AOX1: variants seen among roughly 807,000 people sequenced by gnomAD.
AOX1 encodes aldehyde oxidase.
AOX1 carries 153 observed loss-of-function variants against 169.5 expected under a neutral mutation model. The ratio of observed to expected loss-of-function variants is 0.90; its 90% confidence interval spans 0.79 to 1.03. The LOEUF (loss-of-function observed/expected upper bound fraction) is 1.03. Ranked by LOEUF, AOX1 falls within the 50% of genes least tolerant of loss-of-function variation. The pLI, the probability that AOX1 is intolerant of heterozygous loss-of-function variation, is 0.00. For missense variants in AOX1, 1,656 were observed against 1,663.9 expected, an observed-to-expected ratio of 1.00 and a Z score of 0.08; for synonymous variants, 562 against 581.9, an observed-to-expected ratio of 0.97 and a Z score of 0.49.
At chr2:200,657,165 A>AATATATATATAT (rs1553578034) in intron 27 of AOX1, among the ~76,000 whole-genome samples, 4 of 88,366 alleles carry the variant, frequency 4.5e-5, no homozygotes, top group South Asian at 4.0e-4. Flanking sequence ...CTCTACCAAA[A>AATATATATATAT]ATATATATAT....
Position 200,659,989 on chromosome 2 carries a change from C to T in AOX1, c.3301-6C>T. 1 of 1,608,314 alleles carries T rather than the reference C, an allele frequency of 6.2e-7. No homozygotes were observed. The highest frequency in any genetic ancestry group is 8.5e-7 in the Non-Finnish European group (1 of 1,176,274). ...AGCATAATTTTAATTTAAAAATAAT[C>T]TCTAGGATGCCTGTCAAACTCTTCT... On this transcript the variant is annotated splice_region_variant and splice_polypyrimidine_tract_variant and intron_variant, in intron 28 of 34. Transcript: ENST00000374700.
At chr2:200,637,587 A>T (rs564833216) in intron 22 of AOX1, among the ~76,000 whole-genome samples, 1 of 152,172 alleles carries the variant, frequency 6.6e-6, no homozygotes, top group East Asian at 1.9e-4. Flanking sequence ...ACATACACAT[A>T]TATACATATA....
At chr2:200,659,134 G>C in intron 27 of AOX1, 31 bp from the exon 28 acceptor site, 1 of 1,609,754 alleles carries the variant, frequency 6.2e-7, no homozygotes, top group African/African-American at 1.3e-5. Context: ...TAATCAAAGT[G>C]TTTAAAAGGA....
intron 12 of AOX1, among the ~76,000 whole-genome samples, chr2:200,610,860 A>T (rs1005318733): frequency 6.6e-5 from 10 of 151,980 alleles, no homozygotes; most frequent in African/African-American, 2.4e-4. Context: ...TTTTATTTTT[A>T]AAAAAATTTT....
chr2:200,622,472 CT>C (rs1172045084), intron 18 of AOX1, among the ~76,000 whole-genome samples: 12 of 152,246 alleles, frequency 7.9e-5, no homozygotes. Flanking sequence ...GTCCCTTCCT[CT>C]GGCTCTCCTT....
At chr2:200,624,092 G>T (rs2034949365) in intron 19 of AOX1, 109 bp downstream of exon 19, 1 of 1,365,548 alleles carries the variant, frequency 7.3e-7, no homozygotes, top group African/African-American at 1.4e-5. Flanking sequence ...GGCCTCCAAA[G>T]CACACGGACT....
intron 20 of AOX1, among the ~76,000 whole-genome samples, chr2:200,630,210 TAAAAAAAA>T (rs57410809): frequency 2.1e-5 from 2 of 95,528 alleles, no homozygotes; most frequent in Non-Finnish European, 4.1e-5. Context: ...TCCTTCTATT[TAAAAAAAA>T]AAAAAAAAAA....
chr2:200,628,178 T>C (rs1205958914), intron 20 of AOX1, among the ~76,000 whole-genome samples: 1 of 151,908 alleles, frequency 6.6e-6, no homozygotes. Context: ...TCCCCAATTA[T>C]ACACACACAC....
chr2:200,605,784 C>T (rs1482808302), intron 10 of AOX1, among the ~76,000 whole-genome samples, 156 bp downstream of exon 10: 1 of 152,144 alleles, frequency 6.6e-6, no homozygotes, highest in Non-Finnish European at 1.5e-5. Context: ...ACATAAATGT[C>T]TTCTTTTGAG....
At chr2:200,665,009 C>T (rs1006584470) in intron 31 of AOX1, among the ~76,000 whole-genome samples, 1 of 152,122 alleles carries the variant, frequency 6.6e-6, no homozygotes, top group African/African-American at 2.4e-5. Flanking sequence ...CCATCTCCCT[C>T]CATCATAGCG....
At chr2:200,618,119 C>T (rs767751768) in intron 16 of AOX1, among the ~76,000 whole-genome samples, 4 of 152,146 alleles carry the variant, frequency 2.6e-5, no homozygotes, top group Non-Finnish European at 4.4e-5. Flanking sequence ...CCCCTACATT[C>T]GTGGCCTAAT....
At chr2:200,605,921 G>T (rs545562278) in intron 10 of AOX1, among the ~76,000 whole-genome samples, 1 of 151,932 alleles carries the variant, frequency 6.6e-6, no homozygotes, top group Admixed American at 6.6e-5. Context: ...AACTTTTCTC[G>T]CATTCTGTAG....
At chr2:200,658,488 T>G (rs1383347416) in intron 27 of AOX1, among the ~76,000 whole-genome samples, 1 of 152,234 alleles carries the variant, frequency 6.6e-6, no homozygotes, top group Admixed American at 6.5e-5. Flanking sequence ...GAGCCAGACC[T>G]CATGGAAGGG....
In AOX1 at chr2:200,612,711, A is replaced by G. The variant is rs1403513913; in HGVS notation, c.1366A>G (p.Ile456Val). ...RVFFGEGDGIIRELCISYGGV... is the reference protein window; with the variant it reads ...RVFFGEGDGIVRELCISYGGV... ...CTTTTTTGGAGAAGGGGATGGCATT[A>G]TTAGAGAGTTATGCATCTCATATGG... Residue 456 changes from isoleucine to valine, a missense_variant, in exon 14 of 35, where the codon ATT becomes GTT. By Grantham distance (29) the Ile-to-Val change is conservative (BLOSUM62 3). Transcript: ENST00000374700. 1 of 1,614,096 alleles carries G rather than the reference A, an allele frequency of 6.2e-7. No homozygotes were observed. Among genetic ancestry groups the G allele is most frequent in the South Asian group, 1.1e-5 (1 of 91,078 alleles).
At chr2:200,605,721 A>C (rs1275346077) in intron 10 of AOX1, 93 bp downstream of exon 10, 1 of 536,688 alleles carries the variant, frequency 1.9e-6, no homozygotes, top group African/African-American at 1.9e-5. Context: ...ATGATTCCTA[A>C]TTATAATACA....
intron 10 of AOX1, among the ~76,000 whole-genome samples, chr2:200,606,751 A>C (rs1475982204): frequency 6.6e-6 from 1 of 152,120 alleles, no homozygotes; most frequent in Non-Finnish European, 1.5e-5. Flanking sequence ...GCAATTGTGA[A>C]TGGGAGTTCA....
At chr2:200,621,326 C>T in intron 18 of AOX1, 80 bp downstream of exon 18, 1 of 1,468,464 alleles carries the variant, frequency 6.8e-7, no homozygotes, top group Non-Finnish European at 9.3e-7. Context: ...ATACCATCTA[C>T]TTTGGCACAC....
At chr2:200,665,194 G>A (rs993030917) in intron 31 of AOX1, among the ~76,000 whole-genome samples, 4 of 152,342 alleles carry the variant, frequency 2.6e-5, no homozygotes, top group Admixed American at 2.0e-4. Flanking sequence ...GAGAGTACCC[G>A]AGACAGAAGC....
intron 16 of AOX1, among the ~76,000 whole-genome samples, chr2:200,616,512 T>G (rs926523962): frequency 6.6e-6 from 1 of 152,270 alleles, no homozygotes; most frequent in South Asian, 2.1e-4. Context: ...ACTGCTGATT[T>G]GTTTAGCTTG....
Sources: allele counts gnomAD v4.1 joint callset (sites outside exome capture counted in the v4.1 genomes callset), GRCh38; gene constraint gnomAD v4.1.1; transcripts MANE v1.5; gene names NCBI Gene and HGNC (gene_info 2026-07-23, HGNC 2026-07-21).